BAZ1A: variants seen among roughly 807,000 people sequenced by gnomAD.
BAZ1A encodes the protein bromodomain adjacent to zinc finger domain 1A.
A neutral mutation model predicts 185.2 loss-of-function variants in BAZ1A; 50 were observed. That is an observed-to-expected ratio of 0.27 (90% confidence interval 0.22 to 0.34). BAZ1A has a LOEUF of 0.34. Ranked by LOEUF, BAZ1A falls within the 10% of genes least tolerant of loss-of-function variation. The pLI, the probability that BAZ1A is intolerant of heterozygous loss-of-function variation, is 1.00. For synonymous variants in BAZ1A, 571 were observed against 615.6 expected, an observed-to-expected ratio of 0.93 and a Z score of 1.07; for missense variants, 1,356 against 1,839.9, an observed-to-expected ratio of 0.74 and a Z score of 4.81.
At chr14:34,870,310 A>G (rs2042930620) in intron 2 of BAZ1A, among the ~76,000 whole-genome samples, 2 of 152,244 alleles carry the variant, frequency 1.3e-5, no homozygotes, top group Admixed American at 6.5e-5. Context: ...TCCAAGTATC[A>G]GGACAATACG....
At chr14:34,793,695 A>G (rs1285661564) in intron 11 of BAZ1A, among the ~76,000 whole-genome samples, 3 of 152,248 alleles carry the variant, frequency 2.0e-5, no homozygotes, top group African/African-American at 7.2e-5. Context: ...CTGTAATCCC[A>G]GCACTTTGGG....
intron 3 of BAZ1A, among the ~76,000 whole-genome samples, chr14:34,860,585 A>AC (rs2042753756): frequency 6.6e-6 from 1 of 151,612 alleles, no homozygotes; most frequent in Non-Finnish European, 1.5e-5. Context: ...TGTCTCACAC[A>AC]ATAAAAAGAA....
chr14:34,800,416 C>G lies in BAZ1A; in HGVS notation c.962-26G>C, dbSNP rs1881451131. The G allele has an allele frequency of 2.0e-6, 3 of 1,485,408 alleles. No homozygotes were observed. In the East Asian group the frequency reaches 7.4e-5, roughly 37 times the overall value. 92.0% of individuals were successfully genotyped at this position (1,485,408 alleles called of 1,614,324 possible). The stretch of plus-strand genomic sequence containing the variant: ...CTGTGAAGAAAAATCAAACTTAGAA[C>G]TATATATATAGACAAAATAACACTT... On this transcript the variant is annotated intron_variant, in intron 8 of 26. Coordinates refer to ENST00000360310, the MANE Select transcript of BAZ1A (RefSeq NM_013448.3).
At chr14:34,821,274 A>G (rs7143639) in intron 4 of BAZ1A, among the ~76,000 whole-genome samples, 88,285 of 152,070 alleles carry the variant, frequency 0.58, 25,858 homozygotes, top group South Asian at 0.67. Context: ...TAAGTGATAT[A>G]AGGATATGTC....
intron 21 of BAZ1A, among the ~76,000 whole-genome samples, chr14:34,765,759 T>G (rs1378772780): frequency 6.6e-6 from 1 of 152,120 alleles, no homozygotes; most frequent in Non-Finnish European, 1.5e-5. Flanking sequence ...TTTTCAGCAC[T>G]AATATTTATA....
chr14:34,762,046 T>G lies in BAZ1A; in HGVS notation c.3954A>C (p.Ile1318=), dbSNP rs1886546853. The G allele has an allele frequency of 6.2e-7, 1 of 1,614,244 alleles. No individual in the cohort carries two copies. The highest frequency in any genetic ancestry group is 1.3e-5 in the African/African-American group (1 of 75,062). ...SSKTGRSLRK[I]NSAPPTETKS... ...TTGTTTCTGTAGGAGGAGCAGAGTT[T>G]ATCTTTCTTAGGCTTCTACCAGTTT... The change falls in exon 24 of 27, where the codon ATA becomes ATC. Residue 1318 remains isoleucine, a synonymous_variant. Transcript: ENST00000360310.
intron 2 of BAZ1A, among the ~76,000 whole-genome samples, chr14:34,866,510 G>GA (rs2042864030): frequency 2.6e-5 from 1 of 38,242 alleles, no homozygotes; most frequent in Admixed American, 2.3e-4. Flanking sequence ...AAAGAAAAAA[G>GA]TTCTAACTTT....
intron 3 of BAZ1A, among the ~76,000 whole-genome samples, chr14:34,829,511 C>T (rs1245259818): frequency 2.6e-5 from 4 of 152,114 alleles, no homozygotes; most frequent in African/African-American, 9.7e-5. Context: ...TCTCTCAGGA[C>T]TTATTCATCC....
intron 3 of BAZ1A, among the ~76,000 whole-genome samples, chr14:34,852,089 T>C (rs184689555): frequency 6.6e-6 from 1 of 151,438 alleles, no homozygotes; most frequent in Admixed American, 6.6e-5. Context: ...ATCGTGCCAC[T>C]GCACTCCAGC....
At chr14:34,757,127 G>A (rs1336569478) in intron 25 of BAZ1A, among the ~76,000 whole-genome samples, 2 of 152,178 alleles carry the variant, frequency 1.3e-5, no homozygotes, top group African/African-American at 4.8e-5. Flanking sequence ...CACTTTGGGA[G>A]GCCAAGACAC....
At chr14:34,827,164 T>A (rs193109243) in intron 3 of BAZ1A, among the ~76,000 whole-genome samples, 82 of 152,274 alleles carry the variant, frequency 5.4e-4, no homozygotes, top group African/African-American at 2.0e-3. Context: ...ATATCTACCT[T>A]CTAAAATCCA....
chr14:34,866,502 A>AAAAAAAAGAAAGAAAG, intron 2 of BAZ1A, among the ~76,000 whole-genome samples: 1 of 79,538 alleles, frequency 1.3e-5, no homozygotes, highest in Admixed American at 1.5e-4. Context: ...AAAAAAAAAA[A>AAAAAAAAGAAAGAAAG]GAAAAAAGTT....
At chr14:34,759,395 G>C (rs1041273760) in intron 24 of BAZ1A, among the ~76,000 whole-genome samples, 1 of 151,922 alleles carries the variant, frequency 6.6e-6, no homozygotes, top group African/African-American at 2.4e-5. Context: ...GTGTTAGCTA[G>C]GATGGTCTCG....
At chr14:34,766,025 C>T (rs577950391) in intron 21 of BAZ1A, among the ~76,000 whole-genome samples, 2 of 152,006 alleles carry the variant, frequency 1.3e-5, no homozygotes, top group Non-Finnish European at 2.9e-5. Flanking sequence ...CAAATAAAAC[C>T]TCTTGGGCAG....
intron 4 of BAZ1A, among the ~76,000 whole-genome samples, chr14:34,820,301 T>C (rs1024884474): frequency 6.6e-6 from 1 of 151,878 alleles, no homozygotes; most frequent in Non-Finnish European, 1.5e-5. Flanking sequence ...GATTTTTTTG[T>C]GTGGTTTTTT....
Position 34,792,791 on chromosome 14 carries a change from A to T in BAZ1A, c.1494T>A (p.Thr498=). The change falls in exon 12 of 27, where the codon ACT becomes ACA. Residue 498 remains threonine, a synonymous_variant. Coordinates refer to ENST00000360310, the MANE Select transcript of BAZ1A (RefSeq NM_013448.3). The stretch of plus-strand genomic sequence containing the variant: ...AACTCTGACCTTTGGTGTCAGCATC[A>T]GTTAGTTGCTCTTTGGCTACTTCCT... ...EEEEVAKEQL[T]DADTKDLTEA... is the part of the protein sequence containing the mutation. 6.2e-7 allele frequency: 1 copy of T among 1,613,900 alleles called. No individual in the cohort carries two copies. The highest frequency in any genetic ancestry group is 2.2e-5 in the East Asian group (1 of 44,836).
At chr14:34,791,647 T>C (rs147002991) in intron 12 of BAZ1A, among the ~76,000 whole-genome samples, 1 of 152,326 alleles carries the variant, frequency 6.6e-6, no homozygotes, top group Non-Finnish European at 1.5e-5. Context: ...TGGAGGAATG[T>C]CCCATCTTTC....
intron 4 of BAZ1A, among the ~76,000 whole-genome samples, chr14:34,814,469 T>A (rs1356471021): frequency 6.6e-6 from 1 of 152,008 alleles, no homozygotes. Context: ...AAAACTTGTA[T>A]ATGGACCTTT....
intron 2 of BAZ1A, among the ~76,000 whole-genome samples, chr14:34,871,848 G>A (rs1179210291): frequency 1.3e-5 from 2 of 152,230 alleles, no homozygotes; most frequent in Non-Finnish European, 2.9e-5. Context: ...TCCAGCCTGG[G>A]CGACAGGGTG....
Sources: allele counts gnomAD v4.1 joint callset (sites outside exome capture counted in the v4.1 genomes callset), GRCh38; gene constraint gnomAD v4.1.1; transcripts MANE v1.5; gene names NCBI Gene and HGNC (gene_info 2026-07-23, HGNC 2026-07-21).